The following FERMT3 variants were observed in gnomAD, a reference collection of about 807,000 sequenced individuals.
FERMT3 encodes the protein FERM domain containing kindlin 3, also known as fermitin family homolog 3.
A neutral mutation model predicts 80.8 loss-of-function variants in FERMT3; 33 were observed. The ratio of observed to expected loss-of-function variants is 0.41; its 90% CI spans 0.31 to 0.55. The LOEUF is 0.55. Among genes scored for constraint, FERMT3 ranks in the 20% least tolerant of loss-of-function variants. FERMT3 has a pLI of 0.31. For missense variants in FERMT3, 754 were observed against 908.7 expected, an observed-to-expected ratio of 0.83 and a Z score of 2.19; for synonymous variants, 375 against 372.2, an observed-to-expected ratio of 1.01 and a Z score of -0.09.
chr11:64,222,945 G>C (rs908725819), intron 13 of FERMT3, 103 bp from the exon 14 acceptor site: 7 of 1,503,146 alleles, frequency 4.7e-6, no homozygotes, highest in Non-Finnish European at 6.4e-6. Context: ...CTGGTGAGCT[G>C]CAGTCGGGAA....
intron 6 of FERMT3, among the ~76,000 whole-genome samples, chr11:64,216,288 C>A (rs969556737): frequency 6.6e-6 from 1 of 151,218 alleles, no homozygotes; most frequent in African/African-American, 2.4e-5. Context: ...CCTCTGCCCC[C>A]CTGGTTCAAG....
chr11:64,223,321 C>T lies in FERMT3; in HGVS notation c.1821C>T (p.Ile607=), dbSNP rs779453227. 4.7e-5 allele frequency: 76 copies of T among 1,613,912 alleles called. No homozygotes were observed. The highest frequency in any genetic ancestry group is 5.3e-5 in the Non-Finnish European group (62 of 1,180,048). ...NVNWDIRQVA[I]EFDEHINVAF... Reference sequence around the variant, plus strand: ...CTCTGTCTGCCCTTCAGGTGGCCATCGAGTTTGATGAACACATCAATGTGG... The same window carrying T: ...CTCTGTCTGCCCTTCAGGTGGCCATTGAGTTTGATGAACACATCAATGTGG... The change falls in exon 15 of 15, where the codon ATC becomes ATT. Residue 607 remains isoleucine (I), a synonymous_variant. Transcript: ENST00000345728.
upstream of FERMT3, chr11:64,206,618 T>C (rs1946315576): frequency 6.5e-6 from 1 of 152,752 alleles, no homozygotes. Context: ...CCTGGAACCC[T>C]CTGTGGGCTG....
At chr11:64,208,312 G>C (rs538559496) in intron 2 of FERMT3, among the ~76,000 whole-genome samples, 2 of 152,328 alleles carry the variant, frequency 1.3e-5, no homozygotes, top group South Asian at 4.1e-4. Context: ...GCCCGGAGCA[G>C]CTGTGAGAAT....
In FERMT3 at chr11:64,219,756, T is replaced by A; in HGVS notation, c.1046T>A (p.Ile349Asn). 6.2e-7 allele frequency: 1 copy of A among 1,613,706 alleles called. No homozygotes were observed. Among genetic ancestry groups the A allele is most frequent in the South Asian group, 1.1e-5 (1 of 91,066 alleles). The change falls in exon 9 of 15, where the codon ATC becomes AAC. Residue 349 changes from isoleucine (I) to asparagine (N), a missense_variant. Transcript: ENST00000345728. The surrounding 1 kb of genome is among the most constrained non-coding windows in gnomAD (Gnocchi z 4.0). ...PTDVLDSLTT[I>N]PELKDHLRIF... is the part of the protein sequence containing the mutation. Reference sequence around the variant, plus strand: ...CTCCCATAGGACAGCCTCACCACCATCCCAGAGCTCAAGGACCATCTCCGA... The same window carrying A: ...CTCCCATAGGACAGCCTCACCACCAACCCAGAGCTCAAGGACCATCTCCGA...
chr11:64,218,349 G>A (rs1207632420), intron 6 of FERMT3, among the ~76,000 whole-genome samples: 1 of 151,616 alleles, frequency 6.6e-6, no homozygotes, highest in Admixed American at 6.6e-5. Flanking sequence ...TATCCCCCAA[G>A]CTGGAGTGCA....
rs371552686 is a variant in FERMT3 at position 64,210,563 on chromosome 11, G to A, written c.161-48G>A. 6.3e-5 allele frequency: 99 copies of A among 1,573,928 alleles called. No homozygotes were observed. The African/African-American group carries it at 1.2e-3, about 20-fold the overall frequency. On this transcript the variant is annotated intron_variant, in intron 2 of 14. Coordinates refer to ENST00000345728, the MANE Select transcript of FERMT3 (RefSeq NM_031471.6). This position sits in a 1 kb window ranked among gnomAD's most constrained non-coding sequence, Gnocchi z 4.3. ...TCCTGGGGTTGTGCTGGGTGTTGGG[G>A]GCACCAGGGAGGAAGGTTGGACCCA...
chr11:64,219,508 C>G lies in FERMT3; in HGVS notation c.895-16C>G. On this transcript the variant is annotated splice_polypyrimidine_tract_variant and intron_variant, in intron 7 of 14. Transcript: ENST00000345728. The surrounding 1 kb of genome is among the most constrained non-coding windows in gnomAD (Gnocchi z 4.0). ...GGCTGCTGGACTCAGCCCTCCCTGG[C>G]TTCATGACCACCTAGTACCACATCA... The G allele has an allele frequency of 6.3e-7, 1 of 1,592,898 alleles. No homozygotes were observed. Among genetic ancestry groups the G allele is most frequent in the Non-Finnish European group, 8.5e-7 (1 of 1,171,002 alleles).
intron 6 of FERMT3, among the ~76,000 whole-genome samples, chr11:64,218,256 G>A (rs953155914): frequency 3.3e-5 from 5 of 151,982 alleles, no homozygotes; most frequent in African/African-American, 7.3e-5. Flanking sequence ...CACCGACCTC[G>A]GCCTCCCAAA....
intron 6 of FERMT3, among the ~76,000 whole-genome samples, chr11:64,217,288 G>A (rs983756329): frequency 1.3e-5 from 2 of 152,178 alleles, no homozygotes; most frequent in African/African-American, 4.8e-5. Context: ...GGTGGCTCAC[G>A]CCTGTAATCC....
At position 64,223,493 on chromosome 11, in the gene FERMT3, G is replaced by A; in HGVS notation, c.*1G>A. On this transcript the variant is annotated 3_prime_UTR_variant, in exon 15 of 15. Coordinates refer to ENST00000345728, the MANE Select transcript of FERMT3 (RefSeq NM_031471.6). ...CACCGGGGGCCATGAGGCCTTCTGA[G>A]GGCTGTCTGATTGCCCCTGCCCTGC... The A allele has an allele frequency of 9.3e-6, 15 of 1,604,882 alleles. No homozygotes were observed. The highest frequency in any genetic ancestry group is 1.2e-5 in the Non-Finnish European group (14 of 1,179,084).
intron 6 of FERMT3, among the ~76,000 whole-genome samples, chr11:64,212,244 T>A (rs1360070506): frequency 6.6e-6 from 1 of 152,222 alleles, no homozygotes; most frequent in Non-Finnish European, 1.5e-5. Context: ...GCAACCAACA[T>A]GCTCCAGGCA....
Position 64,220,574 on chromosome 11 carries a change from G to A in FERMT3, c.1450G>A (p.Gly484Ser). The change falls in exon 12 of 15, where the codon GGC becomes AGC. Residue 484 changes from glycine (G) to serine (S), a missense_variant. Transcript: ENST00000345728. Reference protein sequence around the residue: ...SLQRTGSGGPGNHPHGPDASA... With the variant: ...SLQRTGSGGPSNHPHGPDASA... ...GCAGCGCACGGGCAGTGGGGGCCCG[G>A]GCAACCACCCCCACGGCCCTGATGC... 1 of 1,608,346 alleles carries A rather than the reference G, an allele frequency of 6.2e-7. No homozygotes were observed.
chr11:64,222,151 A>C (rs1461226536), intron 13 of FERMT3, among the ~76,000 whole-genome samples: 2 of 151,694 alleles, frequency 1.3e-5, no homozygotes, highest in African/African-American at 2.4e-5. Flanking sequence ...AGGCAGGAGA[A>C]TGTCTTGAAC....
intron 2 of FERMT3, among the ~76,000 whole-genome samples, chr11:64,208,678 G>T (rs1946371358): frequency 6.6e-6 from 1 of 152,222 alleles, no homozygotes; most frequent in Non-Finnish European, 1.5e-5. Flanking sequence ...GCCCAGGATG[G>T]GGATAACCCC....
intron 13 of FERMT3, 149 bp from the exon 14 acceptor site, chr11:64,222,899 C>T (rs149646181): frequency 2.1e-6 from 2 of 969,396 alleles, no homozygotes; most frequent in East Asian, 4.9e-5. Context: ...AACTTGAGGC[C>T]CAGGGAACCC....
Position 64,223,527 on chromosome 11 carries a change from C to G in FERMT3, c.*35C>G. 1 of 1,512,066 alleles carries G rather than the reference C, an allele frequency of 6.6e-7. No individual in the cohort carries two copies. Among genetic ancestry groups the G allele is most frequent in the Non-Finnish European group, 9.0e-7 (1 of 1,115,162 alleles). The allele number at this position is 1,512,066 out of a possible 1,614,324, so 93.7% of individuals were successfully genotyped here. A position where few individuals can be genotyped will look rare whatever the true frequency, so the allele number is the denominator to read the frequency against. On this transcript the variant is annotated 3_prime_UTR_variant, in exon 15 of 15. Coordinates refer to ENST00000345728, the MANE Select transcript of FERMT3 (RefSeq NM_031471.6). Reference sequence around the variant, plus strand: ...GATTGCCCCTGCCCTGCTCACCACCCTGTCACAGCCACTCCCAAGCCCACA... The same window carrying G: ...GATTGCCCCTGCCCTGCTCACCACCGTGTCACAGCCACTCCCAAGCCCACA...
Position 64,223,807 on chromosome 11 carries a change from G to T in FERMT3, c.*315G>T. On this transcript the variant is annotated 3_prime_UTR_variant, in exon 15 of 15. Transcript: ENST00000345728. ...GGAAGACCAGATGTAGCTACAGGAT[G>T]ATGAAACATGGTTTCAAACGAGTTC... The T allele has an allele frequency of 8.9e-7, 1 of 1,128,364 alleles. No homozygotes were observed. The highest frequency in any genetic ancestry group is 1.3e-6 in the Non-Finnish European group (1 of 784,916). The allele number at this position is 1,128,364 out of a possible 1,614,324, so 69.9% of individuals were successfully genotyped here. A position where few individuals can be genotyped will look rare whatever the true frequency, so the allele number is the denominator to read the frequency against.
chr11:64,207,689 T>G, intron 2 of FERMT3, 165 bp downstream of exon 2: 1 of 791,008 alleles, frequency 1.3e-6, no homozygotes, highest in Non-Finnish European at 1.9e-6. Context: ...TTTCCCCAAC[T>G]TCCTCTCCCT....
Sources: gnomAD v4.1 joint callset for allele counts (sites outside exome capture counted in the v4.1 genomes callset) on GRCh38, gnomAD v4.1.1 for gene constraint, Gnocchi (gnomAD v3.1) non-coding constraint, MANE v1.5 for transcripts, NCBI Gene and HGNC (gene_info 2026-07-23, HGNC 2026-07-21) for gene names.